Variants in SMARCA5 observed in about 807,000 individuals in gnomAD.
SMARCA5 encodes SWI/SNF-related matrix-associated actin-dependent regulator of chromatin subfamily A member 5.
SMARCA5 carries 18 observed loss-of-function variants against 140.4 expected under a neutral mutation model. The observed-to-expected ratio is 0.13, with a 90% CI of 0.09 to 0.19. SMARCA5 has a LOEUF of 0.19. Among genes scored for constraint, SMARCA5 ranks in the 10% least tolerant of loss-of-function variants. The probability of loss-of-function intolerance (pLI) is 1.00; values close to 1 mark genes in which losing one functional copy is unlikely to be tolerated. For missense variants in SMARCA5, 606 were observed against 1,276.8 expected (o/e 0.47, Z 8.01); for synonymous variants, 449 against 419.6 (o/e 1.07, Z -0.86).
Position 143,556,365 on chromosome 4 carries a change from A to G in SMARCA5, c.*3181A>G, listed in dbSNP as rs867975509. Reference sequence around the variant, plus strand: ...TAAAACACCCCTGTGGTTTTTCAGAAAAATTCTGAGTAAAAAATAAATTTC... The same window carrying G: ...TAAAACACCCCTGTGGTTTTTCAGAGAAATTCTGAGTAAAAAATAAATTTC... On this transcript the variant is annotated 3_prime_UTR_variant, in exon 24 of 24. Coordinates refer to ENST00000283131, the MANE Select transcript of SMARCA5 (RefSeq NM_003601.4). 1.3e-5 allele frequency: 2 copies of G among 152,186 alleles called. No individual in the cohort carries two copies. Among genetic ancestry groups the G allele is most frequent in the South Asian group, 2.1e-4 (1 of 4,828 alleles). 9.4% of individuals were successfully genotyped at this position (152,186 alleles called of 1,614,324 possible).
chr4:143,517,370 G>A lies in SMARCA5; in HGVS notation c.193G>A (p.Ala65Thr). The A allele has an allele frequency of 6.2e-7, 1 of 1,608,686 alleles. No homozygotes were observed. The highest frequency in any genetic ancestry group is 8.5e-7 in the Non-Finnish European group (1 of 1,176,900). ...TTTCTACCAGGAAATATTTGATGAT[G>A]CGTCACCTGGAAAGCAAAAGGAAAT... ...DAEMEEIFDD[A>T]SPGKQKEIQE... Residue 65 changes from alanine (A) to threonine (T), a missense_variant, in exon 2 of 24, where the codon GCG (alanine) becomes ACG (threonine). Around this residue, in one of 10 missense-constraint regions of SMARCA5, gnomAD observed 164 missense variants for 128.4 expected, o/e 1.28. Transcript: ENST00000283131.
chr4:143,553,220 A>G lies in SMARCA5; in HGVS notation c.*36A>G, dbSNP rs573050291. ...GTTTCATAATCACTAACTTTAAACC[A>G]GTAGTTCTTTAATTTACGGGTCTTC... On this transcript the variant is annotated 3_prime_UTR_variant, in exon 24 of 24. Coordinates refer to ENST00000283131, the MANE Select transcript of SMARCA5 (RefSeq NM_003601.4). 2.5e-5 allele frequency: 36 copies of G among 1,442,140 alleles called. No homozygotes were observed. Among genetic ancestry groups the G allele is most frequent in the Non-Finnish European group, 3.5e-5 (36 of 1,024,054 alleles). 89.3% of individuals were successfully genotyped at this position (1,442,140 alleles called of 1,614,324 possible). A position where few individuals can be genotyped will look rare whatever the true frequency, so the allele number is the denominator to read the frequency against.
intron 8 of SMARCA5, among the ~76,000 whole-genome samples, chr4:143,529,319 T>G (rs1737135440): frequency 6.6e-6 from 1 of 152,200 alleles, no homozygotes; most frequent in Non-Finnish European, 1.5e-5. Context: ...GGCCTGACTT[T>G]GTTTCAGTGG....
intron 11 of SMARCA5, among the ~76,000 whole-genome samples, chr4:143,537,333 T>C (rs1287911516): frequency 6.6e-6 from 1 of 152,206 alleles, no homozygotes; most frequent in East Asian, 1.9e-4. Context: ...ATACGAAATA[T>C]CACTGCTATA....
intron 2 of SMARCA5, among the ~76,000 whole-genome samples, chr4:143,520,273 A>G (rs528583146): frequency 2.1e-4 from 32 of 152,342 alleles, no homozygotes; most frequent in Non-Finnish European, 3.4e-4. Flanking sequence ...TATGTAAAAT[A>G]TGCATTCACA....
At chr4:143,534,808 C>T (rs762102996) in intron 9 of SMARCA5, 47 bp from the exon 10 acceptor site, 5 of 1,311,480 alleles carry the variant, frequency 3.8e-6, no homozygotes, top group Admixed American at 2.2e-5. Context: ...GAAATATGAC[C>T]TTATGTGTAA....
chr4:143,516,093 A>C (rs1736824881), intron 1 of SMARCA5, among the ~76,000 whole-genome samples: 1 of 152,062 alleles, frequency 6.6e-6, no homozygotes, highest in South Asian at 2.1e-4. Flanking sequence ...TATATATGTC[A>C]CAACTTAATC....
rs1320804372 is a variant in SMARCA5, at chr4:143,556,680, T to C, written c.*3496T>C. On this transcript the variant is annotated 3_prime_UTR_variant, in exon 24 of 24. Coordinates refer to ENST00000283131, the MANE Select transcript of SMARCA5 (RefSeq NM_003601.4). ...TGTATCTTTGCCTGTTGGAATCTGA[T>C]GTCAAGATCAAAGGTGAGGGCATCC... The C allele has an allele frequency of 1.3e-5, 2 of 152,200 alleles. No homozygotes were observed. Among genetic ancestry groups the C allele is most frequent in the Non-Finnish European group, 2.9e-5 (2 of 68,036 alleles). The allele number at this position is 152,200 out of a possible 1,614,324, so 9.4% of individuals were successfully genotyped here. A position where few individuals can be genotyped will look rare whatever the true frequency, so the allele number is the denominator to read the frequency against.
Position 143,545,947 on chromosome 4 carries a change from C to T in SMARCA5, c.2420C>T (p.Pro807Leu). 6.2e-7 allele frequency: 1 copy of T among 1,606,070 alleles called. No homozygotes were observed. The highest frequency in any genetic ancestry group is 2.2e-5 in the East Asian group (1 of 44,794). ...TAGGTACCTCGAAATCCTGAGCTGC[C>T]TAATGCAGCACAGGCACAAAAAGAA... ...GYKVPRNPEL[P>L]NAAQAQKEEQ... The change falls in exon 19 of 24, where the codon CCT becomes CTT. Residue 807 changes from proline to leucine, a missense_variant. By Grantham distance (98) the Pro-to-Leu change is moderately conservative. This residue lies in a region of SMARCA5 where 121 missense variants were observed against 227.1 expected (regional missense o/e 0.53). Coordinates refer to ENST00000283131, the MANE Select transcript of SMARCA5 (RefSeq NM_003601.4).
At chr4:143,541,510 AAAGT>A (rs1737425899) in intron 14 of SMARCA5, among the ~76,000 whole-genome samples, 1 of 152,226 alleles carries the variant, frequency 6.6e-6, no homozygotes, top group Non-Finnish European at 1.5e-5. Context: ...TTCCCTTAAT[AAAGT>A]GTTTACTTTG....
intron 2 of SMARCA5, among the ~76,000 whole-genome samples, chr4:143,519,890 C>A (rs1342322908): frequency 6.6e-6 from 1 of 152,108 alleles, no homozygotes; most frequent in East Asian, 1.9e-4. Flanking sequence ...CCCTCATTTC[C>A]AATCTTCCTC....
chr4:143,518,221 C>T (rs970059467), intron 2 of SMARCA5, among the ~76,000 whole-genome samples: 17 of 152,148 alleles, frequency 1.1e-4, no homozygotes, highest in Admixed American at 1.1e-3. Flanking sequence ...TCCGTATCTT[C>T]TAAGAAACTT....
chr4:143,541,309 CTG>C (rs1190358766), intron 14 of SMARCA5, among the ~76,000 whole-genome samples: 1 of 152,088 alleles, frequency 6.6e-6, no homozygotes, highest in Non-Finnish European at 1.5e-5. Flanking sequence ...TATTTACTAT[CTG>C]TCTATAAAGC....
chr4:143,520,188 T>C (rs1696975279), intron 2 of SMARCA5, among the ~76,000 whole-genome samples: 1 of 152,218 alleles, frequency 6.6e-6, no homozygotes. Flanking sequence ...ACAATAATTA[T>C]TTTTTCAGTC....
chr4:143,552,896 G>A lies in SMARCA5; in HGVS notation c.3094-223G>A, dbSNP rs529701925. ...GTTAATTGTGCATTAGTTTTATAAC[G>A]TCATTATTAACATTAACATTTTTTA... On this transcript the variant is annotated intron_variant, in intron 23 of 23. Transcript: ENST00000283131. 1.7e-4 allele frequency among the ~76,000 whole-genome samples: 25 copies of A among 150,522 alleles called. 1 individual carries two copies. In the Middle Eastern group the frequency reaches 0.01, roughly 62 times the overall value.
chr4:143,545,796 A>C, intron 18 of SMARCA5, 129 bp from the exon 19 acceptor site: 1 of 944,844 alleles, frequency 1.1e-6, no homozygotes, highest in Non-Finnish European at 1.6e-6. Flanking sequence ...TGTTTTTAAC[A>C]TAATACATGC....
intron 14 of SMARCA5, 77 bp from the exon 15 acceptor site, chr4:143,543,432 C>A: frequency 1.7e-6 from 2 of 1,143,022 alleles, no homozygotes; most frequent in East Asian, 2.5e-5. Flanking sequence ...AAGCATTAAA[C>A]CTTACATTTA....
chr4:143,543,972 G>A lies in SMARCA5; in HGVS notation c.2172G>A (p.Lys724=). 1 of 1,547,144 alleles carries A rather than the reference G, an allele frequency of 6.5e-7. No individual in the cohort carries two copies. The highest frequency in any genetic ancestry group is 8.7e-7 in the Non-Finnish European group (1 of 1,148,280). ...GAGAAGACTATAGAGAAAAACAAAA[G>A]GTAATTTAGAAATAGGTTTGGGTTA... The part of the protein sequence containing the change: ...FEGEDYREKQ[K]IAFTEWIEPP... Residue 724 remains lysine (K), a splice_region_variant and synonymous_variant, in exon 16 of 24, where the codon AAG becomes AAA. Transcript: ENST00000283131.
Position 143,518,075 on chromosome 4 carries a change from C to G in SMARCA5, c.252+646C>G, listed in dbSNP as rs148383919. On this transcript the variant is annotated intron_variant, in intron 2 of 23. Coordinates refer to ENST00000283131, the MANE Select transcript of SMARCA5 (RefSeq NM_003601.4). ...TTACTCAGTGTATGTTTATTCTGCACTTGACTAGCATTGTACTCTGCTAGT... is the reference window on the plus strand; with the variant it reads ...TTACTCAGTGTATGTTTATTCTGCAGTTGACTAGCATTGTACTCTGCTAGT... Among the ~76,000 whole-genome samples the G allele has an allele frequency of 4.1e-3, 622 of 152,212 alleles. 6 individuals are homozygous for G. The highest frequency in any genetic ancestry group is 7.5e-3 in the South Asian group (36 of 4,818).
Sources: allele counts gnomAD v4.1 joint callset (sites outside exome capture counted in the v4.1 genomes callset), GRCh38; gene constraint gnomAD v4.1.1; regional missense constraint gnomAD v4.1.1; transcripts MANE v1.5; gene names NCBI Gene and HGNC (gene_info 2026-07-23, HGNC 2026-07-21).